DPYSL2: variants seen among roughly 807,000 people sequenced by gnomAD.
DPYSL2 encodes dihydropyrimidinase-related protein 2.
DPYSL2 carries 13 observed loss-of-function variants against 69.9 expected under a neutral mutation model. That is an observed-to-expected ratio of 0.19 (90% confidence interval 0.12 to 0.30). The LOEUF (loss-of-function observed/expected upper bound fraction) is 0.30. Among genes scored for constraint, DPYSL2 ranks in the 10% least tolerant of loss-of-function variants. DPYSL2 has a pLI of 1.00. For missense variants in DPYSL2, 587 were observed against 918.9 expected, an observed-to-expected ratio of 0.64 and a Z score of 4.67; for synonymous variants, 326 against 359.1, an observed-to-expected ratio of 0.91 and a Z score of 1.04.
intron 1 of DPYSL2, among the ~76,000 whole-genome samples, chr8:26,552,950 A>T (rs1397569922): frequency 6.6e-6 from 1 of 152,194 alleles, no homozygotes; most frequent in Non-Finnish European, 1.5e-5. Context: ...CAAGTTACTA[A>T]TATCAGAAAT....
At chr8:26,649,381 G>C (rs1803236105) in intron 11 of DPYSL2, among the ~76,000 whole-genome samples, 1 of 152,190 alleles carries the variant, frequency 6.6e-6, no homozygotes, top group Non-Finnish European at 1.5e-5. Flanking sequence ...AGACACAAAT[G>C]ACCTAGCTGG....
rs1417571470 is a variant in DPYSL2 at position 26,644,584 on chromosome 8, T to C, written c.1425+493T>C. Among the ~76,000 whole-genome samples the C allele has an allele frequency of 6.6e-6, 1 of 151,936 alleles. No homozygotes were observed. The highest frequency in any genetic ancestry group is 1.5e-5 in the Non-Finnish European group (1 of 67,974). Reference sequence around the variant, plus strand: ...CCTCCCAAAGTGCTGGGATTACAGGTGTGAGCCACCACGCCTGGCTTACCT... The same window carrying C: ...CCTCCCAAAGTGCTGGGATTACAGGCGTGAGCCACCACGCCTGGCTTACCT... On this transcript the variant is annotated intron_variant, in intron 10 of 13. Coordinates refer to ENST00000521913, the MANE Select transcript of DPYSL2 (RefSeq NM_001197293.3). This position sits in a 1 kb window ranked among gnomAD's most constrained non-coding sequence, Gnocchi z 4.5.
At chr8:26,646,012 C>T (rs1046943642) in intron 10 of DPYSL2, among the ~76,000 whole-genome samples, 3 of 151,752 alleles carry the variant, frequency 2.0e-5, no homozygotes, top group Admixed American at 6.6e-5. Flanking sequence ...ATTACAGGTG[C>T]CTGCCACCAT....
At chr8:26,618,802 A>C (rs916606308) in intron 3 of DPYSL2, among the ~76,000 whole-genome samples, 1 of 118,156 alleles carries the variant, frequency 8.5e-6, no homozygotes, top group Non-Finnish European at 1.9e-5. Flanking sequence ...AAAAAAAAAT[A>C]CAAAAATTAG....
At position 26,653,372 on chromosome 8, in the gene DPYSL2, G is replaced by A; in HGVS notation, c.1917G>A (p.Leu639=). Residue 639 remains leucine, a synonymous_variant, in exon 13 of 14, where the codon CTG becomes CTA. Transcript: ENST00000521913. This position sits in a 1 kb window ranked among gnomAD's most constrained non-coding sequence, Gnocchi z 5.7. ...AGCAGGCCCCACCTGTCCGGAACCT[G>A]CACCAGTCTGGATTCAGTTTGTCTG... ...AKQQAPPVRN[L]HQSGFSLSGA... is the part of the protein sequence containing the mutation. The A allele has an allele frequency of 6.2e-7, 1 of 1,613,904 alleles. No individual in the cohort carries two copies. The highest frequency in any genetic ancestry group is 8.5e-7 in the Non-Finnish European group (1 of 1,179,908).
intron 1 of DPYSL2, among the ~76,000 whole-genome samples, chr8:26,549,220 A>ATCATC (rs773121290): frequency 2.6e-4 from 36 of 137,380 alleles, no homozygotes; most frequent in Middle Eastern, 4.5e-3. Context: ...TAATAATAAT[A>ATCATC]ATAATAATCA....
Position 26,514,622 on chromosome 8 carries a change from GA to G in DPYSL2, c.299del (p.Lys100ArgfsTer24). 1 of 1,483,016 alleles carries G rather than the reference GA, an allele frequency of 6.7e-7. No individual in the cohort carries two copies. The highest frequency in any genetic ancestry group is 8.9e-7 in the Non-Finnish European group (1 of 1,122,350). The allele number at this position is 1,483,016 out of a possible 1,614,324, so 91.9% of individuals were successfully genotyped here. The stretch of plus-strand genomic sequence containing the variant: ...GAGAGCCATCTGTTGAATCGGGCCG[GA>G]AGGTGGAGATCCGGAGGGCCTCGGG... ...GGEPSVESGR[K>X]VEIRRASGKE... On this transcript the variant is annotated frameshift_variant, in exon 1 of 14. Transcript: ENST00000521913. LOFTEE classifies it high-confidence loss of function. This position sits in a 1 kb window ranked among gnomAD's most constrained non-coding sequence, Gnocchi z 8.4.
intron 1 of DPYSL2, among the ~76,000 whole-genome samples, chr8:26,579,924 CTTTTTT>C (rs67626321): frequency 0.3 from 34,447 of 115,538 alleles, 5,193 homozygotes; most frequent in South Asian, 0.41. Context: ...ATCAACAAGA[CTTTTTT>C]TTTTTTTTTT....
chr8:26,526,252 G>A (rs1808474200), intron 1 of DPYSL2, among the ~76,000 whole-genome samples: 2 of 152,072 alleles, frequency 1.3e-5, no homozygotes, highest in African/African-American at 2.4e-5. Context: ...GTGCCACCAT[G>A]CCCGGCTACT....
At position 26,562,793 on chromosome 8, in the gene DPYSL2, C is replaced by T. The variant is rs1194455758; in HGVS notation, c.355-19176C>T. Among the ~76,000 whole-genome samples the T allele has an allele frequency of 3.9e-5, 6 of 152,190 alleles. No homozygotes were observed. Among genetic ancestry groups the T allele is most frequent in the East Asian group, 1.9e-4 (1 of 5,182 alleles). On this transcript the variant is annotated intron_variant, in intron 1 of 13. Coordinates refer to ENST00000521913, the MANE Select transcript of DPYSL2 (RefSeq NM_001197293.3). This position sits in a 1 kb window ranked among gnomAD's most constrained non-coding sequence, Gnocchi z 4.9. Reference sequence around the variant, plus strand: ...GCAGGGATATGTTGTCTCTGCTCCACGATGTCTAGGGCCGTATCTGGGAAA... The same window carrying T: ...GCAGGGATATGTTGTCTCTGCTCCATGATGTCTAGGGCCGTATCTGGGAAA...
chr8:26,537,607 T>C lies in DPYSL2; in HGVS notation c.354+22928T>C, dbSNP rs571656714. 4.1e-3 allele frequency among the ~76,000 whole-genome samples: 124 copies of C among 30,368 alleles called. 2 individuals carry two copies. Among genetic ancestry groups the C allele is most frequent in the African/African-American group, 7.2e-3 (113 of 15,738 alleles). 19.9% of individuals were successfully genotyped at this position (30,368 alleles called of 152,430 possible). On this transcript the variant is annotated intron_variant, in intron 1 of 13. Coordinates refer to ENST00000521913, the MANE Select transcript of DPYSL2 (RefSeq NM_001197293.3). ...CTGCATTGACCTTACTATCATTCTC[T>C]CTCTACACACACACACACACACACA...
chr8:26,613,051 T>C (rs1802270731), intron 3 of DPYSL2, among the ~76,000 whole-genome samples: 1 of 152,244 alleles, frequency 6.6e-6, no homozygotes, highest in Non-Finnish European at 1.5e-5. Flanking sequence ...ATTCAATAAA[T>C]GCAAACGTGT....
Position 26,652,978 on chromosome 8 carries a change from G to T in DPYSL2, c.1777-254G>T, listed in dbSNP as rs951223288. Among the ~76,000 whole-genome samples, 2 of 152,190 alleles carry T rather than the reference G, an allele frequency of 1.3e-5. No individual in the cohort carries two copies. Among genetic ancestry groups the T allele is most frequent in the African/African-American group, 4.8e-5 (2 of 41,432 alleles). On this transcript the variant is annotated intron_variant, in intron 12 of 13. Coordinates refer to ENST00000521913, the MANE Select transcript of DPYSL2 (RefSeq NM_001197293.3). The surrounding 1 kb of genome is among the most constrained non-coding windows in gnomAD (Gnocchi z 6.3). ...AGCATGCTTAGGGGATTCTTACAGGGTTTAAAGTTGAAGTGTCTTGGGGGA... is the reference window on the plus strand; with the variant it reads ...AGCATGCTTAGGGGATTCTTACAGGTTTTAAAGTTGAAGTGTCTTGGGGGA...
At chr8:26,602,178 G>A (rs975711226) in intron 3 of DPYSL2, among the ~76,000 whole-genome samples, 6 of 147,602 alleles carry the variant, frequency 4.1e-5, no homozygotes, top group Non-Finnish European at 5.9e-5. Flanking sequence ...GGAGTGCTGC[G>A]AGAGTTTTTA....
At position 26,598,762 on chromosome 8, in the gene DPYSL2, C is replaced by T. The variant is rs971873371; in HGVS notation, c.628+14779C>T. On this transcript the variant is annotated intron_variant, in intron 3 of 13. Transcript: ENST00000521913. This position sits in a 1 kb window ranked among gnomAD's most constrained non-coding sequence, Gnocchi z 4.2. ...GAGCCTGACACCTGATTACAAGCTC[C>T]AGGTGAAGAGCAGGTTTGAGACTTA... Among the ~76,000 whole-genome samples, 2 of 151,710 alleles carry T rather than the reference C, an allele frequency of 1.3e-5. No individual in the cohort carries two copies. Among genetic ancestry groups the T allele is most frequent in the Non-Finnish European group, 2.9e-5 (2 of 68,008 alleles).
At chr8:26,592,625 A>G (rs1801765411) in intron 3 of DPYSL2, among the ~76,000 whole-genome samples, 1 of 151,412 alleles carries the variant, frequency 6.6e-6, no homozygotes, top group Non-Finnish European at 1.5e-5. Context: ...ACAGGCATGC[A>G]CCAACATGCC....
rs180935307 is a variant in DPYSL2 at position 26,571,487 on chromosome 8, G to A, written c.355-10482G>A. ...CCCCATCAGGGATAGAAAGACCCCAGGGAACATCTGTAGCCACCCAGAGAA... is the reference window on the plus strand; with the variant it reads ...CCCCATCAGGGATAGAAAGACCCCAAGGAACATCTGTAGCCACCCAGAGAA... On this transcript the variant is annotated intron_variant, in intron 1 of 13. Coordinates refer to ENST00000521913, the MANE Select transcript of DPYSL2 (RefSeq NM_001197293.3). The surrounding 1 kb of genome is among the most constrained non-coding windows in gnomAD (Gnocchi z 6.1). Among the ~76,000 whole-genome samples, 2 of 152,272 alleles carry A rather than the reference G, an allele frequency of 1.3e-5. No individual in the cohort carries two copies. Among genetic ancestry groups the A allele is most frequent in the East Asian group, 3.9e-4 (2 of 5,186 alleles).
In DPYSL2 at chr8:26,638,446, C is replaced by A. The variant is rs926926496; in HGVS notation, c.1126+3546C>A. Among the ~76,000 whole-genome samples the A allele has an allele frequency of 1.4e-4, 22 of 152,184 alleles. 1 individual carries two copies. Among genetic ancestry groups the A allele is most frequent in the Admixed American group, 8.5e-4 (13 of 15,282 alleles). ...AGACCTGCTGGTCCAGAATCTAAGA[C>A]AAGAGAAGTTCGGGGAAGTGAGGAT... On this transcript the variant is annotated intron_variant, in intron 8 of 13. Transcript: ENST00000521913.
In DPYSL2 at chr8:26,644,197, A is replaced by G; in HGVS notation, c.1425+106A>G. The G allele has an allele frequency of 7.2e-7, 1 of 1,380,804 alleles. No homozygotes were observed. Among genetic ancestry groups the G allele is most frequent in the South Asian group, 1.5e-5 (1 of 68,518 alleles). The allele number at this position is 1,380,804 out of a possible 1,614,324, so 85.5% of individuals were successfully genotyped here. A position where few individuals can be genotyped will look rare whatever the true frequency, so the allele number is the denominator to read the frequency against. ...GCCTTGAAATGACAGACAGTGGAGG[A>G]CATCCTAGAAGCCAGTACTTATATG... is the stretch of plus-strand genomic sequence containing the variant. On this transcript the variant is annotated intron_variant, in intron 10 of 13. Transcript: ENST00000521913. The surrounding 1 kb of genome is among the most constrained non-coding windows in gnomAD (Gnocchi z 4.5).
Sources: gnomAD v4.1 joint callset for allele counts (sites outside exome capture counted in the v4.1 genomes callset) on GRCh38, gnomAD v4.1.1 for gene constraint, Gnocchi (gnomAD v3.1) non-coding constraint, MANE v1.5 for transcripts, NCBI Gene and HGNC (gene_info 2026-07-23, HGNC 2026-07-21) for gene names.